LTBP1: variants seen among roughly 807,000 people sequenced by gnomAD.
LTBP1 encodes latent transforming growth factor beta binding protein 1.
Under a neutral mutation model 207.6 loss-of-function variants are expected in LTBP1, and 129 were observed. The ratio of observed to expected loss-of-function variants is 0.62; its 90% CI spans 0.54 to 0.72. LTBP1 has a LOEUF of 0.72. LTBP1 is among the 30% of genes least tolerant of loss of function. The pLI is 0.00. For missense variants in LTBP1, 2,281 were observed against 2,217.2 expected (o/e 1.03, Z -0.58); for synonymous variants, 963 against 833.7 (o/e 1.16, Z -2.67).
At chr2:33,140,202 T>A (rs2082522853) in intron 5 of LTBP1, among the ~76,000 whole-genome samples, 1 of 152,196 alleles carries the variant, frequency 6.6e-6, no homozygotes, top group Non-Finnish European at 1.5e-5. Context: ...GCTGCTAAGC[T>A]GACTGTGTAG....
chr2:33,325,396 C>A (rs2094413791), intron 24 of LTBP1, among the ~76,000 whole-genome samples: 1 of 152,134 alleles, frequency 6.6e-6, no homozygotes, highest in Non-Finnish European at 1.5e-5. Context: ...AAAGATGAAT[C>A]TGGGGTTTGA....
chr2:33,283,997 G>A lies in LTBP1; in HGVS notation c.3112+3839G>A, dbSNP rs898062020. ...TTTTTCTAAACTGGTCTATCTTCAC[G>A]TTGATTTGACTCTCTTTCTATTGAA... On this transcript the variant is annotated intron_variant, in intron 19 of 33. Transcript: ENST00000404816. Among the ~76,000 whole-genome samples the A allele has an allele frequency of 3.9e-5, 6 of 151,978 alleles. No homozygotes were observed. In the South Asian group the frequency reaches 1.0e-3, roughly 26 times the overall value.
rs1465669850 is a variant in LTBP1, at chr2:33,029,038, T to C, written c.863+7832T>C. 5.9e-5 allele frequency among the ~76,000 whole-genome samples: 9 copies of C among 152,184 alleles called. No individual in the cohort carries two copies. The East Asian group carries it at 1.5e-3, about 26-fold the overall frequency. On this transcript the variant is annotated intron_variant, in intron 3 of 33. Transcript: ENST00000404816. ...TGCTGGTAGAAAGCAAACAGGGACA[T>C]TCAGACAAACTTTAATTATTTTTCA...
At position 33,257,411 on chromosome 2, in the gene LTBP1, T is replaced by G; in HGVS notation, c.2295T>G (p.Val765=). The change falls in exon 12 of 34, where the codon GTT becomes GTG. Residue 765 remains valine (V), a synonymous_variant. Transcript: ENST00000404816. Reference sequence around the variant, plus strand: ...TCAAGCCAAAGAACACTCAACCTGTTGCTAAAAGTACTCATCCTCCACCTC... The same window carrying G: ...TCAAGCCAAAGAACACTCAACCTGTGGCTAAAAGTACTCATCCTCCACCTC... ...VFVKPKNTQP[V]AKSTHPPPLP... is the part of the protein sequence containing the mutation. 7 of 1,614,236 alleles carry G rather than the reference T, an allele frequency of 4.3e-6. No individual in the cohort carries two copies. Among genetic ancestry groups the G allele is most frequent in the Non-Finnish European group, 5.1e-6 (6 of 1,180,036 alleles).
intron 4 of LTBP1, among the ~76,000 whole-genome samples, chr2:33,126,742 A>C (rs1440123019): frequency 6.6e-6 from 1 of 152,158 alleles, no homozygotes; most frequent in Non-Finnish European, 1.5e-5. Flanking sequence ...AGATCTATTG[A>C]GTTTGGCCGT....
At chr2:33,216,573 C>T (rs988884869) in intron 7 of LTBP1, among the ~76,000 whole-genome samples, 1 of 152,142 alleles carries the variant, frequency 6.6e-6, no homozygotes, top group Non-Finnish European at 1.5e-5. Context: ...TTTGGAAAGA[C>T]AACTCTGGAA....
intron 2 of LTBP1, among the ~76,000 whole-genome samples, chr2:32,975,252 G>T (rs755638524): frequency 1.8e-4 from 27 of 152,272 alleles, no homozygotes; most frequent in Middle Eastern, 3.4e-3. Context: ...TATGCTGTTA[G>T]TCTGGTGGAG....
At chr2:33,094,590 C>T (rs1179853920) in intron 3 of LTBP1, among the ~76,000 whole-genome samples, 4 of 152,164 alleles carry the variant, frequency 2.6e-5, no homozygotes, top group African/African-American at 9.7e-5. Flanking sequence ...AGACCATTAT[C>T]ACATGAGTTA....
At chr2:32,969,038 G>C (rs1225437967) in intron 2 of LTBP1, among the ~76,000 whole-genome samples, 1 of 150,532 alleles carries the variant, frequency 6.6e-6, no homozygotes, top group East Asian at 2.0e-4. Flanking sequence ...CAATTCCCCT[G>C]CCTCAGCCTC....
chr2:33,156,959 G>A (rs936803712), intron 5 of LTBP1, among the ~76,000 whole-genome samples: 1 of 151,978 alleles, frequency 6.6e-6, no homozygotes, highest in Admixed American at 6.6e-5. Flanking sequence ...TTATTATTTC[G>A]GGTTTTCATG....
At chr2:32,977,837 T>C (rs1046022689) in intron 2 of LTBP1, among the ~76,000 whole-genome samples, 8 of 152,216 alleles carry the variant, frequency 5.3e-5, no homozygotes, top group Admixed American at 4.6e-4. Flanking sequence ...CGGAGTAGTT[T>C]CATGGATGAT....
chr2:33,100,546 A>G (rs553148004), intron 3 of LTBP1, among the ~76,000 whole-genome samples: 1 of 151,972 alleles, frequency 6.6e-6, no homozygotes, highest in Non-Finnish European at 1.5e-5. Context: ...TTTGTAAAGT[A>G]TATGTAATGT....
At chr2:33,375,722 T>TTTTG (rs1187454759) in intron 31 of LTBP1, among the ~76,000 whole-genome samples, 1 of 150,484 alleles carries the variant, frequency 6.6e-6, no homozygotes. Context: ...TTTTTTTTTT[T>TTTTG]TAGTAGAGAC....
At chr2:33,110,546 T>C (rs1348619753) in intron 3 of LTBP1, 36 bp from the exon 4 acceptor site, 1 of 1,580,690 alleles carries the variant, frequency 6.3e-7, no homozygotes, top group Admixed American at 1.7e-5. Context: ...AAAAGCCCAT[T>C]ATTTAATTCC....
intron 7 of LTBP1, 116 bp from the exon 8 acceptor site, chr2:33,217,436 A>T: frequency 1.7e-6 from 1 of 595,450 alleles, no homozygotes; most frequent in South Asian, 2.3e-5. Flanking sequence ...TTTCCTTTCT[A>T]ATTGTGTCGA....
Position 33,203,778 on chromosome 2 carries a change from A to C in LTBP1, c.1702-13774A>C, listed in dbSNP as rs150137548. On this transcript the variant is annotated intron_variant, in intron 7 of 33. Coordinates refer to ENST00000404816, the MANE Select transcript of LTBP1 (RefSeq NM_206943.4). ...CATAGGAATAAGCATTGAAAATAAT[A>C]ATTATGGAGCAGCTCAGAGTGGAAG... Among the ~76,000 whole-genome samples the C allele has an allele frequency of 7.8e-3, 1,190 of 152,312 alleles. 16 individuals are homozygous for C. The highest frequency in any genetic ancestry group is 0.027 in the African/African-American group (1,116 of 41,556).
chr2:33,027,844 G>A (rs1234100307), intron 3 of LTBP1, among the ~76,000 whole-genome samples: 2 of 152,054 alleles, frequency 1.3e-5, no homozygotes, highest in African/African-American at 4.8e-5. Flanking sequence ...TCAGAAAAAA[G>A]AAAAAGAAAT....
At chr2:33,218,370 A>G (rs1183734957) in intron 8 of LTBP1, among the ~76,000 whole-genome samples, 1 of 152,188 alleles carries the variant, frequency 6.6e-6, no homozygotes, top group Non-Finnish European at 1.5e-5. Flanking sequence ...ATGTAGTATT[A>G]ACTCTGGATA....
intron 3 of LTBP1, among the ~76,000 whole-genome samples, chr2:33,054,897 C>T (rs896789760): frequency 2.6e-5 from 4 of 152,166 alleles, no homozygotes; most frequent in African/African-American, 4.8e-5. Flanking sequence ...AGCAGTGCAC[C>T]TTCCAGTGAT....
Sources: allele counts gnomAD v4.1 joint callset (sites outside exome capture counted in the v4.1 genomes callset), GRCh38; gene constraint gnomAD v4.1.1; transcripts MANE v1.5; gene names NCBI Gene and HGNC (gene_info 2026-07-23, HGNC 2026-07-21).